Variants in DHTKD1 observed in about 807,000 individuals in gnomAD.
The protein encoded by DHTKD1 is 2-oxoadipate dehydrogenase complex component E1.
Under a neutral mutation model 101.8 loss-of-function variants are expected in DHTKD1, and 78 were observed. The observed-to-expected ratio is 0.77, with a 90% CI of 0.64 to 0.93. The LOEUF is 0.93. Ranked by LOEUF, DHTKD1 falls within the 40% of genes least tolerant of loss-of-function variation. DHTKD1 has a pLI of 0.00. For missense variants in DHTKD1, 1,223 were observed against 1,161.7 expected (o/e 1.05, Z -0.77); for synonymous variants, 462 against 450.3 (o/e 1.03, Z -0.33).
intron 15 of DHTKD1, among the ~76,000 whole-genome samples, chr10:12,119,509 G>T (rs11257547): frequency 1.2e-3 from 183 of 150,806 alleles, no homozygotes; most frequent in African/African-American, 3.9e-3. Flanking sequence ...CCAGCTACTT[G>T]GGAGGCTGAC....
At chr10:12,073,178 AT>A (rs762153127) in intron 1 of DHTKD1, among the ~76,000 whole-genome samples, 30 of 151,820 alleles carry the variant, frequency 2.0e-4, no homozygotes, top group Admixed American at 3.9e-4. Flanking sequence ...GATTACAGGC[AT>A]ATGCCACCCC....
At chr10:12,091,106 T>G (rs1470345595) in intron 5 of DHTKD1, among the ~76,000 whole-genome samples, 1 of 151,988 alleles carries the variant, frequency 6.6e-6, no homozygotes, top group Non-Finnish European at 1.5e-5. Flanking sequence ...AAAGGCCATT[T>G]TCTTTAAAAT....
At chr10:12,102,016 A>G (rs937082522) in intron 10 of DHTKD1, among the ~76,000 whole-genome samples, 15 of 152,214 alleles carry the variant, frequency 9.9e-5, no homozygotes, top group African/African-American at 2.4e-4. Flanking sequence ...TGTCTAGCAC[A>G]TGATGTTTAT....
intron 1 of DHTKD1, among the ~76,000 whole-genome samples, chr10:12,076,995 A>AAAAAAAG (rs1554790544): frequency 0.031 from 3,929 of 127,896 alleles, 242 homozygotes; most frequent in Non-Finnish European, 0.047. Flanking sequence ...AAAAAAAAAA[A>AAAAAAAG]GGAAGAAAAA....
At position 12,097,762 on chromosome 10, in the gene DHTKD1, A is replaced by G; in HGVS notation, c.1437A>G (p.Glu479=). Residue 479 remains glutamate (E), a synonymous_variant, in exon 8 of 17, where the codon GAA becomes GAG. Coordinates refer to ENST00000263035, the MANE Select transcript of DHTKD1 (RefSeq NM_018706.7). ...TCATGACGCAGGAGGAGGTGTCTGA[A>G]ATAAAATCCTCCTACTATGCCAAGT... ...GGLMTQEEVS[E]IKSSYYAKLN... 6.2e-7 allele frequency: 1 copy of G among 1,614,166 alleles called. No individual in the cohort carries two copies. Among genetic ancestry groups the G allele is most frequent in the Non-Finnish European group, 8.5e-7 (1 of 1,180,018 alleles).
At chr10:12,073,819 C>CT (rs1292056772) in intron 1 of DHTKD1, among the ~76,000 whole-genome samples, 11 of 152,262 alleles carry the variant, frequency 7.2e-5, no homozygotes, top group Non-Finnish European at 1.3e-4. Flanking sequence ...CTCTTGTACT[C>CT]TAAGTTTGAG....
At position 12,107,261 on chromosome 10, in the gene DHTKD1, C is replaced by T. The variant is rs530624528; in HGVS notation, c.2048-648C>T. On this transcript the variant is annotated intron_variant, in intron 11 of 16. Coordinates refer to ENST00000263035, the MANE Select transcript of DHTKD1 (RefSeq NM_018706.7). This position sits in a 1 kb window ranked among gnomAD's most constrained non-coding sequence, Gnocchi z 4.1. ...TCAGCCTCCCAAAGTGGTGGGATTA[C>T]GGGTGTGAGCCACTGTGCCCGGCCG... is the stretch of plus-strand genomic sequence containing the variant. 1.2e-3 allele frequency among the ~76,000 whole-genome samples: 180 copies of T among 151,940 alleles called. No homozygotes were observed. The highest frequency in any genetic ancestry group is 4.3e-4 in the Non-Finnish European group (29 of 67,954).
rs767736649 is a variant in DHTKD1, at chr10:12,069,206, G to A, written c.154+19G>A. On this transcript the variant is annotated intron_variant, in intron 1 of 16. Transcript: ENST00000263035. ...CCCCCAGGTCGGGGATGGGGCCCGG[G>A]CGGTGGGAGCGGGGGCTGGGACGCA... The A allele has an allele frequency of 3.3e-6, 5 of 1,530,850 alleles. No homozygotes were observed. Among genetic ancestry groups the A allele is most frequent in the Admixed American group, 2.0e-5 (1 of 49,108 alleles). The allele number at this position is 1,530,850 out of a possible 1,614,324, so 94.8% of individuals were successfully genotyped here.
chr10:12,104,041 G>A (rs1001425864), intron 10 of DHTKD1, among the ~76,000 whole-genome samples: 4 of 152,064 alleles, frequency 2.6e-5, no homozygotes, highest in East Asian at 3.9e-4. Flanking sequence ...ACCACTCATC[G>A]ACTGTTTGTT....
At chr10:12,095,950 A>G (rs1833066640) in intron 7 of DHTKD1, among the ~76,000 whole-genome samples, 1 of 152,094 alleles carries the variant, frequency 6.6e-6, no homozygotes, top group South Asian at 2.1e-4. Flanking sequence ...CGGAGGTTGC[A>G]GTGAGCTGAG....
At chr10:12,077,533 G>C (rs992694994) in intron 1 of DHTKD1, among the ~76,000 whole-genome samples, 1 of 152,162 alleles carries the variant, frequency 6.6e-6, no homozygotes, top group Non-Finnish European at 1.5e-5. Context: ...CACTGTGCCC[G>C]GCCATTCATT....
chr10:12,100,297 T>TTTG, intron 9 of DHTKD1, 35 bp downstream of exon 9: 2 of 900,970 alleles, frequency 2.2e-6, no homozygotes, highest in African/African-American at 1.8e-5. Context: ...GTTTTTTTTT[T>TTTG]TTTTGAGTCT....
At chr10:12,094,973 A>C (rs1833046966) in intron 7 of DHTKD1, among the ~76,000 whole-genome samples, 1 of 152,162 alleles carries the variant, frequency 6.6e-6, no homozygotes, top group Non-Finnish European at 1.5e-5. Context: ...ATGGTTCCTC[A>C]TTGAATAGAA....
chr10:12,069,966 A>T (rs948055831), intron 1 of DHTKD1, among the ~76,000 whole-genome samples: 1 of 152,022 alleles, frequency 6.6e-6, no homozygotes, highest in Admixed American at 6.6e-5. Context: ...CCAAGACTGC[A>T]TTGCTTGGGA....
At position 12,110,205 on chromosome 10, in the gene DHTKD1, G is replaced by A. The variant is rs1487058739; in HGVS notation, c.2154+2190G>A. Among the ~76,000 whole-genome samples, 1 of 152,220 alleles carries A rather than the reference G, an allele frequency of 6.6e-6. No individual in the cohort carries two copies. The highest frequency in any genetic ancestry group is 2.4e-5 in the African/African-American group (1 of 41,452). On this transcript the variant is annotated intron_variant, in intron 12 of 16. Transcript: ENST00000263035. The surrounding 1 kb of genome is among the most constrained non-coding windows in gnomAD (Gnocchi z 4.9). ...CCCAGCTACTTGGGAGGCTGAGGCAGGGGAATGGTGTGAACCTGGGAGGCG... is the reference window on the plus strand; with the variant it reads ...CCCAGCTACTTGGGAGGCTGAGGCAAGGGAATGGTGTGAACCTGGGAGGCG...
chr10:12,113,725 A>G (rs1833371323), intron 13 of DHTKD1, among the ~76,000 whole-genome samples: 1 of 152,064 alleles, frequency 6.6e-6, no homozygotes, highest in African/African-American at 2.4e-5. Flanking sequence ...CAGGAGTTTG[A>G]GAGCAACCTG....
chr10:12,121,588 C>T lies in DHTKD1; in HGVS notation c.*700C>T, dbSNP rs182700753. ...CAGCCTGGTCAACGTGGTGAAACGCCGTTTCTACTAAAAATATGAAAATTA... is the reference window on the plus strand; with the variant it reads ...CAGCCTGGTCAACGTGGTGAAACGCTGTTTCTACTAAAAATATGAAAATTA... On this transcript the variant is annotated 3_prime_UTR_variant, in exon 17 of 17. Transcript: ENST00000263035. 2.0e-5 allele frequency: 3 copies of T among 152,340 alleles called. No homozygotes were observed. Among genetic ancestry groups the T allele is most frequent in the African/African-American group, 4.8e-5 (2 of 41,570 alleles). 9.4% of individuals were successfully genotyped at this position (152,340 alleles called of 1,614,324 possible). A position where few individuals can be genotyped will look rare whatever the true frequency, so the allele number is the denominator to read the frequency against.
In DHTKD1 at chr10:12,104,679, G is replaced by C. The variant is rs553646301; in HGVS notation, c.1897-1567G>C. Among the ~76,000 whole-genome samples the C allele has an allele frequency of 4.6e-5, 7 of 151,672 alleles. No homozygotes were observed. In the South Asian group the frequency reaches 1.5e-3, roughly 32 times the overall value. Reference sequence around the variant, plus strand: ...TGCAATCACTGCTCACTGCAGCCTCGACCTCCTGTGTCCAAGTGATCCTCC... The same window carrying C: ...TGCAATCACTGCTCACTGCAGCCTCCACCTCCTGTGTCCAAGTGATCCTCC... On this transcript the variant is annotated intron_variant, in intron 10 of 16. Coordinates refer to ENST00000263035, the MANE Select transcript of DHTKD1 (RefSeq NM_018706.7).
intron 7 of DHTKD1, among the ~76,000 whole-genome samples, chr10:12,094,481 G>A (rs1036194844): frequency 6.6e-6 from 1 of 151,610 alleles, no homozygotes; most frequent in Admixed American, 6.6e-5. Context: ...GATTACAGGC[G>A]TGTGCCACCG....
Sources: gnomAD v4.1 joint callset for allele counts (sites outside exome capture counted in the v4.1 genomes callset) on GRCh38, gnomAD v4.1.1 for gene constraint, Gnocchi (gnomAD v3.1) non-coding constraint, MANE v1.5 for transcripts, NCBI Gene and HGNC (gene_info 2026-07-23, HGNC 2026-07-21) for gene names.